Variants in KIRREL3 observed in about 807,000 individuals in gnomAD.
KIRREL3 encodes the protein kirre like nephrin family adhesion molecule 3, also known as kin of IRRE-like protein 3.
KIRREL3 carries 36 observed loss-of-function variants against 89.7 expected under a neutral mutation model. That is an observed-to-expected ratio of 0.40 (90% CI 0.31 to 0.53). KIRREL3 has a LOEUF of 0.53. Among genes scored for constraint, KIRREL3 ranks in the 20% least tolerant of loss-of-function variants. The pLI is 0.49. For missense variants in KIRREL3, 864 were observed against 1,056.6 expected, an observed-to-expected ratio of 0.82 and a Z score of 2.53; for synonymous variants, 445 against 441.4, an observed-to-expected ratio of 1.01 and a Z score of -0.10.
intron 1 of KIRREL3, among the ~76,000 whole-genome samples, chr11:126,916,144 G>T (rs936375940): frequency 6.6e-6 from 1 of 152,174 alleles, no homozygotes; most frequent in African/African-American, 2.4e-5. Context: ...CAAAGGTAGG[G>T]TGATCCTTAG....
intron 1 of KIRREL3, among the ~76,000 whole-genome samples, chr11:126,923,263 TCTTCTCCTTCTCCTTCTC>T (rs1439644782): frequency 8.8e-5 from 5 of 56,638 alleles, no homozygotes; most frequent in African/African-American, 2.5e-4. Context: ...TTCTTCTTCT[TCTTCTCCTTCTCCTTCTC>T]CTTCTCCTTC....
At chr11:126,580,917 T>C (rs746804670) in intron 1 of KIRREL3, among the ~76,000 whole-genome samples, 10 of 151,978 alleles carry the variant, frequency 6.6e-5, no homozygotes, top group Non-Finnish European at 1.2e-4. Context: ...CTTTCAGTCT[T>C]TGCATGTGCT....
rs1477206362 is a variant in KIRREL3, at chr11:126,788,184, C to A, written c.55+212271G>T. ...GTGGGTGATGGAGTTGGGCTTGGGA[C>A]AAATGCACAATCTGGAAGGAAATCG... On this transcript the variant is annotated intron_variant, in intron 1 of 16. Transcript: ENST00000525144. The surrounding 1 kb of genome is among the most constrained non-coding windows in gnomAD (Gnocchi z 4.1). 6.6e-6 allele frequency among the ~76,000 whole-genome samples: 1 copy of A among 152,198 alleles called. No homozygotes were observed. The highest frequency in any genetic ancestry group is 1.9e-4 in the East Asian group (1 of 5,192).
chr11:126,527,856 G>A lies in KIRREL3; in HGVS notation c.134-1169C>T, dbSNP rs1297826010. ...GCAGATCCCCAAGCCTGGCCTTGGAGGGAGTTGCTGATGAAGAGGTGTGAT... is the reference window on the plus strand; with the variant it reads ...GCAGATCCCCAAGCCTGGCCTTGGAAGGAGTTGCTGATGAAGAGGTGTGAT... On this transcript the variant is annotated intron_variant, in intron 2 of 16. Coordinates refer to ENST00000525144, the MANE Select transcript of KIRREL3 (RefSeq NM_032531.4). This position sits in a 1 kb window ranked among gnomAD's most constrained non-coding sequence, Gnocchi z 4.2. 6.6e-6 allele frequency among the ~76,000 whole-genome samples: 1 copy of A among 152,138 alleles called. No homozygotes were observed. The highest frequency in any genetic ancestry group is 2.4e-5 in the African/African-American group (1 of 41,414).
intron 1 of KIRREL3, among the ~76,000 whole-genome samples, chr11:126,577,568 G>A (rs1181908295): frequency 3.3e-5 from 4 of 119,756 alleles, no homozygotes; most frequent in Admixed American, 1.0e-4. Context: ...CCAATGTGGC[G>A]AAACCCTGTC....
In KIRREL3 at chr11:126,485,472, G is replaced by A. The variant is rs775908401; in HGVS notation, c.434-12006C>T. 1.3e-5 allele frequency among the ~76,000 whole-genome samples: 2 copies of A among 152,164 alleles called. No individual in the cohort carries two copies. The highest frequency in any genetic ancestry group is 2.1e-4 in the South Asian group (1 of 4,836). Reference sequence around the variant, plus strand: ...TCTGGCTCCGTCATTCACTGGCCACGTGACCATGTGCAAATTCTCTGTGCT... The same window carrying A: ...TCTGGCTCCGTCATTCACTGGCCACATGACCATGTGCAAATTCTCTGTGCT... On this transcript the variant is annotated intron_variant, in intron 4 of 16. Coordinates refer to ENST00000525144, the MANE Select transcript of KIRREL3 (RefSeq NM_032531.4). This position sits in a 1 kb window ranked among gnomAD's most constrained non-coding sequence, Gnocchi z 5.8.
intron 1 of KIRREL3, among the ~76,000 whole-genome samples, chr11:126,921,046 C>G (rs994169364): frequency 3.9e-5 from 6 of 152,188 alleles, no homozygotes; most frequent in Non-Finnish European, 7.3e-5. Context: ...GGGCACAGAC[C>G]ATCAAATCAG....
At position 126,614,824 on chromosome 11, in the gene KIRREL3, G is replaced by A. The variant is rs1943276455; in HGVS notation, c.56-51912C>T. 6.6e-6 allele frequency among the ~76,000 whole-genome samples: 1 copy of A among 152,214 alleles called. No individual in the cohort carries two copies. The highest frequency in any genetic ancestry group is 2.4e-5 in the African/African-American group (1 of 41,452). The stretch of plus-strand genomic sequence containing the variant: ...GAATTTCTCTTAGTATCAGGTCTGG[G>A]TTGGGGCAGGTAAATCTTCCTTTCT... On this transcript the variant is annotated intron_variant, in intron 1 of 16. Coordinates refer to ENST00000525144, the MANE Select transcript of KIRREL3 (RefSeq NM_032531.4). This position sits in a 1 kb window ranked among gnomAD's most constrained non-coding sequence, Gnocchi z 4.6.
In KIRREL3 at chr11:126,526,940, C is replaced by T. The variant is rs1958782303; in HGVS notation, c.134-253G>A. Among the ~76,000 whole-genome samples, 2 of 152,220 alleles carry T rather than the reference C, an allele frequency of 1.3e-5. No homozygotes were observed. Among genetic ancestry groups the T allele is most frequent in the Admixed American group, 1.3e-4 (2 of 15,284 alleles). ...CCTAACACATGGACTGGTCTAGCCA[C>T]ACCCCAGCTCCCTATGGGCCATCTC... On this transcript the variant is annotated intron_variant, in intron 2 of 16. Transcript: ENST00000525144. This position sits in a 1 kb window ranked among gnomAD's most constrained non-coding sequence, Gnocchi z 5.7.
intron 1 of KIRREL3, among the ~76,000 whole-genome samples, chr11:126,864,352 G>A (rs555208935): frequency 1.1e-4 from 16 of 152,184 alleles, no homozygotes; most frequent in African/African-American, 2.9e-4. Context: ...GAGCATCTCC[G>A]CTCCTTTTTC....
intron 1 of KIRREL3, among the ~76,000 whole-genome samples, chr11:126,717,256 T>C (rs61897884): frequency 0.061 from 9,286 of 152,240 alleles, 369 homozygotes; most frequent in African/African-American, 0.11. Context: ...AATTATTCTA[T>C]GGTGTCTTGG....
chr11:126,767,167 A>G (rs1210379910), intron 1 of KIRREL3, among the ~76,000 whole-genome samples: 1 of 152,242 alleles, frequency 6.6e-6, no homozygotes, highest in Admixed American at 6.5e-5. Flanking sequence ...ACTAATACAC[A>G]AGAAGAGAGC....
chr11:126,861,297 A>G (rs1946055), intron 1 of KIRREL3, among the ~76,000 whole-genome samples: 148,446 of 152,162 alleles, frequency 0.98, 72,442 homozygotes, highest in East Asian at 1. Context: ...AGCCAATCCC[A>G]GGCTAGAGGT....
At position 126,570,567 on chromosome 11, in the gene KIRREL3, G is replaced by A. The variant is rs983955705; in HGVS notation, c.56-7655C>T. The stretch of plus-strand genomic sequence containing the variant: ...AGCAAGCCTCCCTCACACACCTGCT[G>A]ATCACGTGCCGATCAGCACCTTACA... On this transcript the variant is annotated intron_variant, in intron 1 of 16. Transcript: ENST00000525144. The surrounding 1 kb of genome is among the most constrained non-coding windows in gnomAD (Gnocchi z 6.1). Among the ~76,000 whole-genome samples the A allele has an allele frequency of 6.6e-6, 1 of 152,216 alleles. No individual in the cohort carries two copies. The highest frequency in any genetic ancestry group is 2.4e-5 in the African/African-American group (1 of 41,454).
intron 13 of KIRREL3, among the ~76,000 whole-genome samples, chr11:126,433,999 C>T (rs1443320617): frequency 6.6e-6 from 1 of 152,216 alleles, no homozygotes; most frequent in Non-Finnish European, 1.5e-5. Context: ...GCCCTCTTAG[C>T]TGGACAACGG....
Position 126,646,558 on chromosome 11 carries a change from T to C in KIRREL3, c.56-83646A>G, listed in dbSNP as rs539392372. ...GGCATGACCTCGGCTCACTGCAAAC[T>C]TCAACTCCTGGGTTCAGGTGATTCT... On this transcript the variant is annotated intron_variant, in intron 1 of 16. Transcript: ENST00000525144. 1.2e-3 allele frequency among the ~76,000 whole-genome samples: 184 copies of C among 148,446 alleles called. 1 individual carries two copies. Among genetic ancestry groups the C allele is most frequent in the African/African-American group, 4.4e-3 (178 of 40,540 alleles).
chr11:126,544,078 G>A lies in KIRREL3; in HGVS notation c.134-17391C>T, dbSNP rs1938591686. ...GGACAACTCTATTTTCCAGCATGGA[G>A]TGCCCCTGGAGGTGGCGACAGCTCC... On this transcript the variant is annotated intron_variant, in intron 2 of 16. Coordinates refer to ENST00000525144, the MANE Select transcript of KIRREL3 (RefSeq NM_032531.4). This position sits in a 1 kb window ranked among gnomAD's most constrained non-coding sequence, Gnocchi z 5.6. The A allele has an allele frequency of 6.6e-6, 1 of 152,296 alleles. No individual in the cohort carries two copies. The highest frequency in any genetic ancestry group is 1.5e-5 in the Non-Finnish European group (1 of 68,086). 9.4% of individuals were successfully genotyped at this position (152,296 alleles called of 1,614,324 possible). A position where few individuals can be genotyped will look rare whatever the true frequency, so the allele number is the denominator to read the frequency against.
In KIRREL3 at chr11:126,492,990, T is replaced by C. The variant is rs1264633506; in HGVS notation, c.434-19524A>G. Among the ~76,000 whole-genome samples, 9 of 152,214 alleles carry C rather than the reference T, an allele frequency of 5.9e-5. No homozygotes were observed. The highest frequency in any genetic ancestry group is 8.8e-5 in the Non-Finnish European group (6 of 68,038). ...AAAGGCCGTAGAACAGCCTCGGTGCTGCGGCTAACTGACAGGGGGCAGGAA... is the reference window on the plus strand; with the variant it reads ...AAAGGCCGTAGAACAGCCTCGGTGCCGCGGCTAACTGACAGGGGGCAGGAA... On this transcript the variant is annotated intron_variant, in intron 4 of 16. Coordinates refer to ENST00000525144, the MANE Select transcript of KIRREL3 (RefSeq NM_032531.4). The surrounding 1 kb of genome is among the most constrained non-coding windows in gnomAD (Gnocchi z 4.8).
At chr11:126,695,472 G>A (rs1947056655) in intron 1 of KIRREL3, among the ~76,000 whole-genome samples, 1 of 150,256 alleles carries the variant, frequency 6.7e-6, no homozygotes, top group Non-Finnish European at 1.5e-5. Flanking sequence ...CATGTGATTG[G>A]TAAAGTTGGC....
Sources: allele counts gnomAD v4.1 joint callset (sites outside exome capture counted in the v4.1 genomes callset), GRCh38; gene constraint gnomAD v4.1.1; non-coding constraint Gnocchi (gnomAD v3.1); transcripts MANE v1.5; gene names NCBI Gene and HGNC (gene_info 2026-07-23, HGNC 2026-07-21).